The following CSGALNACT1 variants were observed in gnomAD, a reference collection of about 807,000 sequenced individuals.
CSGALNACT1 encodes beta4GalNAcT-1.
Under a neutral mutation model 51.0 loss-of-function variants are expected in CSGALNACT1, and 52 were observed. The observed-to-expected ratio is 1.02, with a 90% CI of 0.82 to 1.29. The LOEUF is 1.29. Among genes scored for constraint, CSGALNACT1 ranks in the 50% most tolerant of loss-of-function variants. The probability of loss-of-function intolerance (pLI) is 0.00; values close to 1 mark genes in which losing one functional copy is unlikely to be tolerated. For synonymous variants in CSGALNACT1, 341 were observed against 254.4 expected (o/e 1.34, Z -3.24); for missense variants, 935 against 679.2 (o/e 1.38, Z -4.19).
chr8:19,543,075 C>T (rs140843336), intron 3 of CSGALNACT1, among the ~76,000 whole-genome samples: 51 of 152,206 alleles, frequency 3.4e-4, no homozygotes, highest in African/African-American at 1.2e-3. Flanking sequence ...CAAAATATAA[C>T]CCAGATTATG....
chr8:19,505,236 T>C lies in CSGALNACT1; in HGVS notation c.599A>G (p.Asn200Ser), dbSNP rs550326790. 35 of 1,614,050 alleles carry C rather than the reference T, an allele frequency of 2.2e-5. No homozygotes were observed. Among genetic ancestry groups the C allele is most frequent in the African/African-American group, 2.7e-5 (2 of 74,906 alleles). ...ATCAGAGGCCGTGTAAGGACGGTGATTGGGGCTGTTCTCTGCAGGACTGTT... is the reference window on the plus strand; with the variant it reads ...ATCAGAGGCCGTGTAAGGACGGTGACTGGGGCTGTTCTCTGCAGGACTGTT... Residue 200 changes from asparagine to serine, a missense_variant, in exon 4 of 10, where the codon AAT (asparagine) becomes AGT (serine). Transcript: ENST00000454498.
At chr8:19,593,261 G>A (rs1185472110) in intron 2 of CSGALNACT1, among the ~76,000 whole-genome samples, 1 of 152,216 alleles carries the variant, frequency 6.6e-6, no homozygotes, top group African/African-American at 2.4e-5. Context: ...TCATCAGCCT[G>A]CTGAAGACTG....
intron 1 of CSGALNACT1, among the ~76,000 whole-genome samples, chr8:19,696,344 C>A (rs1218101346): frequency 6.6e-6 from 1 of 152,302 alleles, no homozygotes; most frequent in East Asian, 1.9e-4. Flanking sequence ...CAACTGAAAA[C>A]AACCAACTCT....
chr8:19,462,994 G>C (rs942246546), intron 4 of CSGALNACT1, among the ~76,000 whole-genome samples: 1 of 152,088 alleles, frequency 6.6e-6, no homozygotes, highest in African/African-American at 2.4e-5. Context: ...CCCTGAGTTA[G>C]GCCCCAGTGT....
intron 4 of CSGALNACT1, among the ~76,000 whole-genome samples, chr8:19,493,075 C>G (rs1280119103): frequency 7.3e-5 from 11 of 149,782 alleles, no homozygotes; most frequent in African/African-American, 2.7e-4. Context: ...AAAAAAACAT[C>G]TGTAAATATG....
intron 4 of CSGALNACT1, among the ~76,000 whole-genome samples, chr8:19,478,679 G>C (rs1013608909): frequency 5.3e-5 from 8 of 152,148 alleles, no homozygotes; most frequent in Non-Finnish European, 1.2e-4. Flanking sequence ...GCAATTCTAG[G>C]AGTTAAGTGA....
intron 5 of CSGALNACT1, 60 bp downstream of exon 4, chr8:19,458,363 AATG>A (rs1453655083): frequency 1.5e-6 from 2 of 1,294,236 alleles, no homozygotes; most frequent in African/African-American, 2.9e-5. Flanking sequence ...GATGACGGGA[AATG>A]ATATCAGTGT....
chr8:19,645,882 A>G (rs1478852622), intron 1 of CSGALNACT1, among the ~76,000 whole-genome samples: 2 of 152,152 alleles, frequency 1.3e-5, no homozygotes, highest in Non-Finnish European at 2.9e-5. Context: ...CACCAACTCC[A>G]AACTCCACAC....
chr8:19,664,709 CA>C (rs1303286257), intron 1 of CSGALNACT1, among the ~76,000 whole-genome samples: 4 of 151,658 alleles, frequency 2.6e-5, no homozygotes, highest in Non-Finnish European at 5.9e-5. Context: ...TACTCAGCCA[CA>C]AAAAAAGAAT....
chr8:19,516,679 T>C (rs2079587124), intron 3 of CSGALNACT1, among the ~76,000 whole-genome samples: 2 of 152,144 alleles, frequency 1.3e-5, no homozygotes, highest in Non-Finnish European at 1.5e-5. Flanking sequence ...CATTCAAGTG[T>C]TTCTAAGTGA....
rs143462081 is a variant in CSGALNACT1 at position 19,597,999 on chromosome 8, C to G, written c.-416+3772G>C. ...GCCTGGGGCTCAGCAAAGGCTCCCC[C>G]CTTACCTGCCTCCCAAGATAAGTCT... On this transcript the variant is annotated intron_variant, in intron 2 of 9. Transcript: ENST00000454498. Among the ~76,000 whole-genome samples, 183 of 152,298 alleles carry G rather than the reference C, an allele frequency of 1.2e-3. 1 individual carries two copies. The highest frequency in any genetic ancestry group is 4.0e-3 in the African/African-American group (167 of 41,572).
At chr8:19,433,904 T>A (rs1354106590) in intron 6 of CSGALNACT1, among the ~76,000 whole-genome samples, 1 of 152,236 alleles carries the variant, frequency 6.6e-6, no homozygotes, top group Non-Finnish European at 1.5e-5. Context: ...CTGCTTTAAA[T>A]ATCTCCAACC....
chr8:19,643,659 A>G (rs1466136090), intron 1 of CSGALNACT1, among the ~76,000 whole-genome samples: 1 of 152,092 alleles, frequency 6.6e-6, no homozygotes, highest in African/African-American at 2.4e-5. Flanking sequence ...AAAAGTGTGG[A>G]AAGTTTCTTT....
chr8:19,705,379 C>T (rs1333727709), intron 1 of CSGALNACT1, among the ~76,000 whole-genome samples: 1 of 152,106 alleles, frequency 6.6e-6, no homozygotes, highest in Non-Finnish European at 1.5e-5. Context: ...TTTATGCATC[C>T]ATTCAATGAC....
intron 1 of CSGALNACT1, among the ~76,000 whole-genome samples, chr8:19,714,927 A>G: frequency 6.6e-6 from 1 of 151,758 alleles, no homozygotes; most frequent in East Asian, 1.9e-4. Flanking sequence ...TCCATCCTCT[A>G]CCCTCAAGTG....
intron 1 of CSGALNACT1, among the ~76,000 whole-genome samples, chr8:19,695,982 A>G (rs1422391954): frequency 6.6e-6 from 1 of 152,260 alleles, no homozygotes; most frequent in Non-Finnish European, 1.5e-5. Flanking sequence ...AATCAAATAA[A>G]AAATGAACAG....
intron 7 of CSGALNACT1, among the ~76,000 whole-genome samples, chr8:19,419,045 C>T (rs6991231): frequency 2.7e-4 from 41 of 151,962 alleles, no homozygotes; most frequent in Non-Finnish European, 1.9e-4. Context: ...GGGGTTTCAC[C>T]ATGTTGGTCA....
In CSGALNACT1 at chr8:19,744,369, G is replaced by A. The variant is rs2064512039; in HGVS notation, c.-297+13481C>T. Among the ~76,000 whole-genome samples the A allele has an allele frequency of 2.0e-5, 3 of 152,130 alleles. No individual in the cohort carries two copies. The South Asian group carries it at 6.2e-4, about 32-fold the overall frequency. Reference sequence around the variant, plus strand: ...TAAAACAACTTGGTTCAAATAGATGGTCTTTGCTGTTTCTCAAAAACCATA... The same window carrying A: ...TAAAACAACTTGGTTCAAATAGATGATCTTTGCTGTTTCTCAAAAACCATA... On this transcript the variant is annotated intron_variant, in intron 1 of 1. Coordinates refer to the CSGALNACT1 transcript ENST00000517494.
At chr8:19,623,326 C>G (rs2154163099) in intron 1 of CSGALNACT1, among the ~76,000 whole-genome samples, 1 of 152,174 alleles carries the variant, frequency 6.6e-6, no homozygotes, top group East Asian at 1.9e-4. Context: ...TTTAATATAC[C>G]TTTCTCTGGG....
Sources: gnomAD v4.1 joint callset for allele counts (sites outside exome capture counted in the v4.1 genomes callset) on GRCh38, gnomAD v4.1.1 for gene constraint, MANE v1.5 for transcripts, NCBI Gene and HGNC (gene_info 2026-07-23, HGNC 2026-07-21) for gene names.